Variants in FRMD4A observed in about 807,000 individuals in gnomAD.
FRMD4A encodes the protein FERM domain-containing protein 4A.
In FRMD4A, 29 loss-of-function variants were observed where a neutral mutation model predicts 129.1. That is an observed-to-expected ratio of 0.22 (90% confidence interval 0.17 to 0.31). The LOEUF is 0.31. FRMD4A is among the 10% of genes least tolerant of loss of function. The pLI is 1.00. For missense variants in FRMD4A, 1,272 were observed against 1,375.8 expected, an observed-to-expected ratio of 0.92 and a Z score of 1.19; for synonymous variants, 634 against 571.6, an observed-to-expected ratio of 1.11 and a Z score of -1.56.
At chr10:14,240,450 C>A (rs1486362329) in intron 2 of FRMD4A, among the ~76,000 whole-genome samples, 2 of 152,174 alleles carry the variant, frequency 1.3e-5, no homozygotes, top group Admixed American at 1.3e-4. Flanking sequence ...GCGATTCCCA[C>A]CCCTCCACAT....
intron 2 of FRMD4A, among the ~76,000 whole-genome samples, chr10:13,869,186 C>A (rs2094410906): frequency 6.6e-6 from 1 of 152,190 alleles, no homozygotes. Context: ...AGCAATGAAC[C>A]ATCTCCACAT....
chr10:13,807,491 C>T lies in FRMD4A; in HGVS notation c.206+3323G>A, dbSNP rs183228141. ...TTGCAATTCTTCTTTAAGTCTATTT[C>T]AAAACTAAAGTTAAAAGATTAAAAA... On this transcript the variant is annotated intron_variant, in intron 4 of 24. Coordinates refer to ENST00000357447, the MANE Select transcript of FRMD4A (RefSeq NM_018027.5). Among the ~76,000 whole-genome samples the T allele has an allele frequency of 1.8e-3, 280 of 152,236 alleles. 2 individuals are homozygous for T. The highest frequency in any genetic ancestry group is 6.8e-3 in the Middle Eastern group (2 of 294).
Position 14,044,804 on chromosome 10 carries a change from T to G in FRMD4A, c.46-185892A>C, listed in dbSNP as rs554912673. Among the ~76,000 whole-genome samples the G allele has an allele frequency of 6.6e-5, 10 of 152,352 alleles. No individual in the cohort carries two copies. In the South Asian group the frequency reaches 2.1e-3, roughly 32 times the overall value. The stretch of plus-strand genomic sequence containing the variant: ...AATACAGCTACCACCATAACCTTCA[T>G]AGAACATTGTTTTCAACCACAACAC... On this transcript the variant is annotated intron_variant, in intron 2 of 24. Coordinates refer to ENST00000357447, the MANE Select transcript of FRMD4A (RefSeq NM_018027.5).
intron 2 of FRMD4A, among the ~76,000 whole-genome samples, chr10:13,936,101 A>G (rs894263546): frequency 6.6e-6 from 1 of 152,278 alleles, no homozygotes; most frequent in African/African-American, 2.4e-5. Context: ...ATATTGAATA[A>G]GATAAACAAA....
intron 15 of FRMD4A, among the ~76,000 whole-genome samples, chr10:13,678,605 C>T (rs907246366): frequency 3.9e-5 from 6 of 152,208 alleles, no homozygotes; most frequent in Admixed American, 1.3e-4. Flanking sequence ...TGTGTGCGCA[C>T]GCGCACGCAC....
chr10:13,968,933 T>G (rs953775109), intron 2 of FRMD4A, among the ~76,000 whole-genome samples: 2 of 152,236 alleles, frequency 1.3e-5, no homozygotes, highest in African/African-American at 4.8e-5. Context: ...AATGCAGTTC[T>G]TGCGTTCTTG....
intron 2 of FRMD4A, among the ~76,000 whole-genome samples, chr10:14,088,339 C>G (rs1046376770): frequency 4.0e-5 from 6 of 151,580 alleles, no homozygotes; most frequent in African/African-American, 1.5e-4. Context: ...CCTAACTACT[C>G]AGGAGGCTAA....
At chr10:13,946,978 A>C (rs2131323962) in intron 2 of FRMD4A, among the ~76,000 whole-genome samples, 1 of 152,242 alleles carries the variant, frequency 6.6e-6, no homozygotes, top group East Asian at 1.9e-4. Flanking sequence ...GAAGCTTGGG[A>C]GGCTTCAGGA....
At position 14,241,007 on chromosome 10, in the gene FRMD4A, C is replaced by T. The variant is rs192430934; in HGVS notation, c.45+89051G>A. ...CTGCATTGGTGGATTACATCACCCCCTACTGATTGATCCTTTTAATGGCTC... is the reference window on the plus strand; with the variant it reads ...CTGCATTGGTGGATTACATCACCCCTTACTGATTGATCCTTTTAATGGCTC... On this transcript the variant is annotated intron_variant, in intron 2 of 24. Coordinates refer to ENST00000357447, the MANE Select transcript of FRMD4A (RefSeq NM_018027.5). 4.6e-5 allele frequency among the ~76,000 whole-genome samples: 7 copies of T among 152,212 alleles called. No individual in the cohort carries two copies. In the East Asian group the frequency reaches 1.4e-3, roughly 29 times the overall value.
At chr10:14,272,234 C>A (rs952955161) in intron 2 of FRMD4A, among the ~76,000 whole-genome samples, 5 of 152,106 alleles carry the variant, frequency 3.3e-5, no homozygotes, top group Non-Finnish European at 5.9e-5. Flanking sequence ...GATGGAAAGA[C>A]ATGGAATGGC....
chr10:13,694,380 C>A (rs914016690), intron 14 of FRMD4A, among the ~76,000 whole-genome samples: 1 of 152,130 alleles, frequency 6.6e-6, no homozygotes, highest in Non-Finnish European at 1.5e-5. Context: ...AGGGTAGATG[C>A]CACTCACCAC....
chr10:13,854,816 A>C (rs2094191480), intron 3 of FRMD4A, among the ~76,000 whole-genome samples: 1 of 152,056 alleles, frequency 6.6e-6, no homozygotes, highest in Non-Finnish European at 1.5e-5. Flanking sequence ...TGTGGGCTGA[A>C]CTGCAGGGCA....
intron 8 of FRMD4A, among the ~76,000 whole-genome samples, chr10:13,754,567 CGTGTGTGTGT>C (rs56304219): frequency 0.01 from 1,511 of 147,988 alleles, 9 homozygotes; most frequent in Admixed American, 0.018. Flanking sequence ...ACAATTCTTT[CGTGTGTGTGT>C]GTGTGTGTGT....
intron 2 of FRMD4A, among the ~76,000 whole-genome samples, chr10:14,042,946 AAAAG>A (rs1833842546): frequency 6.6e-6 from 1 of 151,404 alleles, no homozygotes; most frequent in Non-Finnish European, 1.5e-5. Context: ...AAAAAAAAAA[AAAAG>A]AAATTCATTT....
At chr10:14,029,378 GC>G (rs1468777983) in intron 2 of FRMD4A, among the ~76,000 whole-genome samples, 2 of 152,018 alleles carry the variant, frequency 1.3e-5, no homozygotes, top group Admixed American at 6.5e-5. Context: ...GATTTCTGCA[GC>G]CCTGAAAATG....
At chr10:13,784,191 T>C (rs1007163984) in intron 5 of FRMD4A, among the ~76,000 whole-genome samples, 8 of 152,114 alleles carry the variant, frequency 5.3e-5, no homozygotes, top group African/African-American at 1.9e-4. Flanking sequence ...ACTACAGTTT[T>C]CTAGAATAGT....
chr10:13,764,496 C>G (rs1252821112), intron 6 of FRMD4A, among the ~76,000 whole-genome samples: 3 of 131,338 alleles, frequency 2.3e-5, no homozygotes, highest in Admixed American at 8.4e-5. Flanking sequence ...CAGAGAGACC[C>G]TGCCTCAAAT....
At chr10:14,114,891 C>T (rs574768596) in intron 2 of FRMD4A, among the ~76,000 whole-genome samples, 8 of 152,264 alleles carry the variant, frequency 5.3e-5, no homozygotes, top group Admixed American at 3.3e-4. Context: ...GGATCCATGC[C>T]GGCCCTCTGC....
chr10:14,102,254 C>T (rs1351256083), intron 2 of FRMD4A, among the ~76,000 whole-genome samples: 2 of 152,196 alleles, frequency 1.3e-5, no homozygotes, highest in African/African-American at 2.4e-5. Context: ...GGGCCAGACA[C>T]GGTGACTCAC....
Sources: allele counts gnomAD v4.1 joint callset (sites outside exome capture counted in the v4.1 genomes callset), GRCh38; gene constraint gnomAD v4.1.1; transcripts MANE v1.5; gene names NCBI Gene and HGNC (gene_info 2026-07-23, HGNC 2026-07-21).